Variants in NTN1 observed in about 807,000 individuals in gnomAD.
NTN1 encodes netrin 1.
Under a neutral mutation model 54.2 loss-of-function variants are expected in NTN1, and 11 were observed. The observed-to-expected ratio is 0.20, with a 90% CI of 0.13 to 0.34. The LOEUF is 0.34. NTN1 is among the 10% of genes least tolerant of loss of function. The pLI is 1.00. For missense variants in NTN1, 740 were observed against 893.1 expected, an observed-to-expected ratio of 0.83 and a Z score of 2.18; for synonymous variants, 371 against 382.0, an observed-to-expected ratio of 0.97 and a Z score of 0.33.
intron 3 of NTN1, chr17:9,173,557 G>A (rs559850834): frequency 9.9e-4 from 103 of 104,328 alleles, no homozygotes; most frequent in African/African-American, 2.7e-3. Flanking sequence ...CCTGGCCCAC[G>A]CCGTGGGGCC....
intron 2 of NTN1, among the ~76,000 whole-genome samples, chr17:9,118,131 G>A (rs1015368757): frequency 1.3e-5 from 2 of 152,218 alleles, no homozygotes; most frequent in Non-Finnish European, 2.9e-5. Flanking sequence ...TATAATGTCA[G>A]TGTCTACCTC....
intron 2 of NTN1, among the ~76,000 whole-genome samples, chr17:9,138,705 T>C (rs2092288743): frequency 6.6e-6 from 1 of 151,980 alleles, no homozygotes. Flanking sequence ...CTGGAGGAGA[T>C]AAGGCCAGGC....
At position 9,221,154 on chromosome 17, in the gene NTN1, C is replaced by T. The variant is rs776034980; in HGVS notation, c.1412-14C>T. 10 of 1,557,902 alleles carry T rather than the reference C, an allele frequency of 6.4e-6. No homozygotes were observed. Among genetic ancestry groups the T allele is most frequent in the African/African-American group, 1.4e-5 (1 of 69,590 alleles). On this transcript the variant is annotated splice_polypyrimidine_tract_variant and intron_variant, in intron 5 of 6. Coordinates refer to ENST00000173229, the MANE Select transcript of NTN1 (RefSeq NM_004822.3). The surrounding 1 kb of genome is among the most constrained non-coding windows in gnomAD (Gnocchi z 4.5). The stretch of plus-strand genomic sequence containing the variant: ...ATTAGTTTTTGTCTGTGCTCCCCCC[C>T]CACCCCCCTGCAGACTGCGATTCCT...
At chr17:9,054,522 G>A (rs74606617) in intron 2 of NTN1, among the ~76,000 whole-genome samples, 4,668 of 152,302 alleles carry the variant, frequency 0.031, 229 homozygotes, top group African/African-American at 0.11. Flanking sequence ...GTAGAGGGGG[G>A]TCTTTTACTG....
chr17:9,127,927 G>C (rs954773724), intron 2 of NTN1, among the ~76,000 whole-genome samples: 1 of 151,718 alleles, frequency 6.6e-6, no homozygotes. Context: ...GACCAGCCTG[G>C]CCAACATGGT....
chr17:9,217,199 T>G (rs1050627149), intron 5 of NTN1, among the ~76,000 whole-genome samples: 1 of 152,234 alleles, frequency 6.6e-6, no homozygotes, highest in Non-Finnish European at 1.5e-5. Context: ...TTTGTCACTG[T>G]GTCCTCCTCC....
At position 9,033,812 on chromosome 17, in the gene NTN1, G is replaced by A. The variant is rs184111577; in HGVS notation, c.1018+10421G>A. 2.0e-4 allele frequency among the ~76,000 whole-genome samples: 31 copies of A among 151,846 alleles called. No homozygotes were observed. In the East Asian group the frequency reaches 5.4e-3, roughly 27 times the overall value. ...CGTGCCTGTAATCCCAGCTACTTGG[G>A]AGGCTGAGGCAGGAGAATTACTTGA... On this transcript the variant is annotated intron_variant, in intron 2 of 6. Transcript: ENST00000173229.
At chr17:9,230,789 G>A (rs939807709) in intron 6 of NTN1, among the ~76,000 whole-genome samples, 3 of 152,164 alleles carry the variant, frequency 2.0e-5, no homozygotes, top group Non-Finnish European at 4.4e-5. Context: ...GCAGCTTTCT[G>A]GCCCTCATCT....
In NTN1 at chr17:9,239,609, A is replaced by C. The variant is rs762116967; in HGVS notation, c.1487-31A>C. 6.3e-7 allele frequency: 1 copy of C among 1,593,564 alleles called. No homozygotes were observed. Among genetic ancestry groups the C allele is most frequent in the Non-Finnish European group, 8.6e-7 (1 of 1,164,614 alleles). On this transcript the variant is annotated intron_variant, in intron 6 of 6. Coordinates refer to ENST00000173229, the MANE Select transcript of NTN1 (RefSeq NM_004822.3). The surrounding 1 kb of genome is among the most constrained non-coding windows in gnomAD (Gnocchi z 5.2). ...GGCGGACCTAGCCACAGCAGCTGGG[A>C]GCCCACCCGTCTGCCTGTGCTTCCT...
At position 9,239,612 on chromosome 17, in the gene NTN1, C is replaced by T; in HGVS notation, c.1487-28C>T. The T allele has an allele frequency of 6.3e-7, 1 of 1,595,138 alleles. No individual in the cohort carries two copies. The highest frequency in any genetic ancestry group is 8.6e-7 in the Non-Finnish European group (1 of 1,165,602). ...GGACCTAGCCACAGCAGCTGGGAGC[C>T]CACCCGTCTGCCTGTGCTTCCTTGC... On this transcript the variant is annotated intron_variant, in intron 6 of 6. Coordinates refer to ENST00000173229, the MANE Select transcript of NTN1 (RefSeq NM_004822.3). The surrounding 1 kb of genome is among the most constrained non-coding windows in gnomAD (Gnocchi z 5.2).
At chr17:9,226,822 C>T (rs1306313083) in intron 6 of NTN1, among the ~76,000 whole-genome samples, 1 of 152,096 alleles carries the variant, frequency 6.6e-6, no homozygotes, top group Admixed American at 6.5e-5. Flanking sequence ...CAGTTGGCAT[C>T]CTGTGGGGCA....
chr17:9,138,033 C>T (rs150644566), intron 2 of NTN1, among the ~76,000 whole-genome samples: 173 of 152,322 alleles, frequency 1.1e-3, no homozygotes, highest in African/African-American at 3.5e-3. Flanking sequence ...CTCCCCAGCC[C>T]AGCCTTCCCT....
intron 3 of NTN1, chr17:9,177,342 C>G (rs762510798): frequency 6.6e-6 from 1 of 152,230 alleles, no homozygotes; most frequent in Non-Finnish European, 1.5e-5. Context: ...AATGCACCAT[C>G]CTGACTCCAC....
chr17:9,017,172 A>G (rs2091833660), upstream of NTN1, among the ~76,000 whole-genome samples: 1 of 151,432 alleles, frequency 6.6e-6, no homozygotes, highest in African/African-American at 2.4e-5. Context: ...TACAAACAAC[A>G]ATAAAAAATC....
At chr17:9,089,557 A>G (rs1372420548) in intron 2 of NTN1, among the ~76,000 whole-genome samples, 4 of 152,168 alleles carry the variant, frequency 2.6e-5, no homozygotes, top group Non-Finnish European at 5.9e-5. Context: ...ACTGTCTCAG[A>G]TGTTCCCTGT....
At chr17:9,027,259 T>C (rs1295190452) in intron 2 of NTN1, among the ~76,000 whole-genome samples, 1 of 152,240 alleles carries the variant, frequency 6.6e-6, no homozygotes, top group Admixed American at 6.5e-5. Flanking sequence ...ATGATTATTG[T>C]CATTATGATG....
intron 5 of NTN1, among the ~76,000 whole-genome samples, chr17:9,202,083 A>C (rs1450004390): frequency 4.3e-5 from 6 of 137,958 alleles, no homozygotes; most frequent in Admixed American, 1.5e-4. Context: ...AAAAAAAAAA[A>C]AAAAAAACTT....
intron 5 of NTN1, among the ~76,000 whole-genome samples, chr17:9,187,842 G>A (rs1374377184): frequency 6.7e-6 from 1 of 149,848 alleles, no homozygotes; most frequent in Non-Finnish European, 1.5e-5. Context: ...AAAAAAAAAA[G>A]AAATGAAGTT....
chr17:9,024,072 T>C (rs1464356768), intron 2 of NTN1, among the ~76,000 whole-genome samples: 1 of 152,250 alleles, frequency 6.6e-6, no homozygotes, highest in African/African-American at 2.4e-5. Flanking sequence ...TAAAAAAGTA[T>C]ACCAGATTTT....
Sources: gnomAD v4.1 joint callset for allele counts (sites outside exome capture counted in the v4.1 genomes callset) on GRCh38, gnomAD v4.1.1 for gene constraint, Gnocchi (gnomAD v3.1) non-coding constraint, MANE v1.5 for transcripts, NCBI Gene and HGNC (gene_info 2026-07-23, HGNC 2026-07-21) for gene names.